The following CNBD1 variants were observed in gnomAD, a reference collection of about 807,000 sequenced individuals.
CNBD1 encodes the protein cyclic nucleotide-binding domain-containing protein 1.
Under a neutral mutation model 54.4 loss-of-function variants are expected in CNBD1, and 71 were observed. The observed-to-expected ratio is 1.30, with a 90% CI of 1.08 to 1.59. CNBD1 has a LOEUF of 1.59. Among genes scored for constraint, CNBD1 ranks in the 40% most tolerant of loss-of-function variants. CNBD1 has a pLI of 0.00. For synonymous variants in CNBD1, 182 were observed against 170.7 expected, an observed-to-expected ratio of 1.07 and a Z score of -0.51; for missense variants, 659 against 518.0, an observed-to-expected ratio of 1.27 and a Z score of -2.64.
rs1289974299 is a variant in CNBD1 at position 87,329,824 on chromosome 8, A to G, written c.1043-21861A>G. 2.0e-5 allele frequency among the ~76,000 whole-genome samples: 3 copies of G among 151,952 alleles called. No individual in the cohort carries two copies. In the East Asian group the frequency reaches 5.8e-4, roughly 29 times the overall value. The stretch of plus-strand genomic sequence containing the variant: ...CTATTCTTTTAGATTTTCTATATAG[A>G]TGATTATGTCATCAGCAAAGACAGT... On this transcript the variant is annotated intron_variant, in intron 8 of 10. Coordinates refer to ENST00000518476, the MANE Select transcript of CNBD1 (RefSeq NM_173538.3).
rs187349445 is a variant in CNBD1 at position 87,359,507 on chromosome 8, T to C, written c.1303+5721T>C. On this transcript the variant is annotated intron_variant, in intron 10 of 10. Transcript: ENST00000518476. ...TAATATTTCATATTCTATTCCAAGA[T>C]AGTTAAATGTACATTTTAAGGGCTA... Among the ~76,000 whole-genome samples, 44 of 152,282 alleles carry C rather than the reference T, an allele frequency of 2.9e-4. 1 individual carries two copies. Among genetic ancestry groups the C allele is most frequent in the Admixed American group, 1.2e-3 (19 of 15,270 alleles).
At chr8:87,334,771 T>A (rs1229613858) in intron 8 of CNBD1, among the ~76,000 whole-genome samples, 1 of 150,834 alleles carries the variant, frequency 6.6e-6, no homozygotes, top group Non-Finnish European at 1.5e-5. Flanking sequence ...CAGGCCATAG[T>A]GCAGTGCAGT....
intron 4 of CNBD1, among the ~76,000 whole-genome samples, chr8:87,127,349 GT>G (rs1812012983): frequency 1.3e-5 from 2 of 152,072 alleles, no homozygotes; most frequent in South Asian, 4.1e-4. Flanking sequence ...AATGTTTTTA[GT>G]TTTTAATGTT....
intron 10 of CNBD1, among the ~76,000 whole-genome samples, chr8:87,367,962 G>T (rs1810676661): frequency 6.6e-6 from 1 of 152,030 alleles, no homozygotes; most frequent in Non-Finnish European, 1.5e-5. Context: ...ACGAGGTCAG[G>T]AGTTTGATTA....
At chr8:87,092,503 ATGTGTGTGTGTGTATGTGTGTG>A (rs1811234160) in intron 4 of CNBD1, among the ~76,000 whole-genome samples, 1 of 142,750 alleles carries the variant, frequency 7.0e-6, no homozygotes, top group African/African-American at 2.7e-5. Flanking sequence ...GTGTATATAT[ATGTGTGTGTGTGTATGTGTGTG>A]TATGTATGTA....
Position 87,284,663 on chromosome 8 carries a change from C to G in CNBD1, c.772-15C>G, listed in dbSNP as rs1404097296. ...AGTGGTAATAAACATTAAATTGTCT[C>G]TGGTATTTTTACAGCTTAGCAAATG... On this transcript the variant is annotated splice_polypyrimidine_tract_variant and intron_variant, in intron 6 of 10. Coordinates refer to ENST00000518476, the MANE Select transcript of CNBD1 (RefSeq NM_173538.3). 1.9e-6 allele frequency: 3 copies of G among 1,589,098 alleles called. No individual in the cohort carries two copies. Among genetic ancestry groups the G allele is most frequent in the Non-Finnish European group, 2.6e-6 (3 of 1,169,264 alleles).
chr8:87,368,559 G>T (rs1396460887), intron 10 of CNBD1, among the ~76,000 whole-genome samples: 1 of 151,426 alleles, frequency 6.6e-6, no homozygotes, highest in East Asian at 2.0e-4. Flanking sequence ...GATCCCTTGA[G>T]CCAGGAGTTT....
intron 6 of CNBD1, among the ~76,000 whole-genome samples, chr8:87,279,927 T>C (rs1465593751): frequency 2.0e-5 from 3 of 151,692 alleles, no homozygotes; most frequent in African/African-American, 7.2e-5. Context: ...TGATTTGATT[T>C]GTAGGTTTTA....
At chr8:87,295,466 TAAG>T (rs1205803897) in intron 8 of CNBD1, among the ~76,000 whole-genome samples, 1 of 151,928 alleles carries the variant, frequency 6.6e-6, no homozygotes, top group Non-Finnish European at 1.5e-5. Flanking sequence ...TAAAATAAAT[TAAG>T]AATTTATTTA....
At chr8:86,974,446 G>T (rs1234237743) in intron 4 of CNBD1, among the ~76,000 whole-genome samples, 1 of 151,976 alleles carries the variant, frequency 6.6e-6, no homozygotes, top group Non-Finnish European at 1.5e-5. Context: ...TACAATACTT[G>T]TGCATATATG....
chr8:86,915,825 T>C (rs968126028), intron 3 of CNBD1, among the ~76,000 whole-genome samples: 2 of 152,184 alleles, frequency 1.3e-5, no homozygotes, highest in African/African-American at 4.8e-5. Context: ...TTTGGAGAAG[T>C]CAATCTATCT....
intron 2 of CNBD1, among the ~76,000 whole-genome samples, chr8:87,421,732 C>T (rs1403502262): frequency 6.7e-6 from 1 of 149,622 alleles, no homozygotes; most frequent in Non-Finnish European, 1.5e-5. Flanking sequence ...CCACAATAAA[C>T]ATACGTGTGC....
Position 87,301,672 on chromosome 8 carries a change from A to T in CNBD1, c.1042+15001A>T, listed in dbSNP as rs369302740. ...GAACTGAAGGAAATAGAGACACAAAAAACCCTTCAAAAAATCAATGAATCC... is the reference window on the plus strand; with the variant it reads ...GAACTGAAGGAAATAGAGACACAAATAACCCTTCAAAAAATCAATGAATCC... On this transcript the variant is annotated intron_variant, in intron 8 of 10. Transcript: ENST00000518476. Among the ~76,000 whole-genome samples the T allele has an allele frequency of 5.3e-5, 8 of 152,156 alleles. No individual in the cohort carries two copies. In the East Asian group the frequency reaches 7.7e-4, roughly 15 times the overall value.
chr8:86,935,004 G>A (rs1156945157), intron 3 of CNBD1, among the ~76,000 whole-genome samples: 1 of 150,246 alleles, frequency 6.7e-6, no homozygotes, highest in Non-Finnish European at 1.5e-5. Context: ...GAAGCATTTG[G>A]GTTTGTTTGT....
At chr8:87,078,080 G>T (rs1810912791) in intron 4 of CNBD1, among the ~76,000 whole-genome samples, 1 of 152,108 alleles carries the variant, frequency 6.6e-6, no homozygotes, top group African/African-American at 2.4e-5. Flanking sequence ...TGTACATTTT[G>T]GGAGAACACA....
chr8:87,263,047 C>T (rs752344022), intron 6 of CNBD1, among the ~76,000 whole-genome samples: 19 of 152,050 alleles, frequency 1.2e-4, no homozygotes, highest in African/African-American at 4.1e-4. Context: ...TGAGGAGAGA[C>T]TTCCTAGGGT....
chr8:86,980,430 C>A (rs778319974), intron 4 of CNBD1, among the ~76,000 whole-genome samples: 1 of 152,212 alleles, frequency 6.6e-6, no homozygotes, highest in Non-Finnish European at 1.5e-5. Context: ...GCTCACTGCT[C>A]TGTATTTACA....
At chr8:86,975,249 A>G (rs1808314871) in intron 4 of CNBD1, among the ~76,000 whole-genome samples, 1 of 152,014 alleles carries the variant, frequency 6.6e-6, no homozygotes, top group South Asian at 2.1e-4. Flanking sequence ...TTGTGGTAGA[A>G]CATTTAAAAC....
At chr8:87,297,308 C>T (rs1563541815) in intron 8 of CNBD1, among the ~76,000 whole-genome samples, 1 of 150,994 alleles carries the variant, frequency 6.6e-6, no homozygotes, top group Non-Finnish European at 1.5e-5. Context: ...CATATTAAGT[C>T]TTCAAAATCC....
Sources: allele counts gnomAD v4.1 joint callset (sites outside exome capture counted in the v4.1 genomes callset), GRCh38; gene constraint gnomAD v4.1.1; transcripts MANE v1.5; gene names NCBI Gene and HGNC (gene_info 2026-07-23, HGNC 2026-07-21).